Variants in PEX6 observed in about 807,000 individuals in gnomAD.
PEX6 encodes the protein peroxisomal biogenesis factor 6, also known as peroxisome biogenesis factor 6.
Under a neutral mutation model 85.6 loss-of-function variants are expected in PEX6, and 55 were observed. The observed-to-expected ratio is 0.64, with a 90% CI of 0.52 to 0.80. PEX6 has a LOEUF of 0.80. PEX6 is among the 30% of genes least tolerant of loss of function. PEX6 has a pLI of 0.00. For synonymous variants in PEX6, 519 were observed against 549.1 expected (o/e 0.95, Z 0.77); for missense variants, 1,099 against 1,260.3 (o/e 0.87, Z 1.94).
intron 8 of PEX6, 40 bp from the exon 9 acceptor site, chr6:42,966,898 T>C (rs1470644578): frequency 1.3e-6 from 2 of 1,535,732 alleles, no homozygotes; most frequent in Admixed American, 3.3e-5. Context: ...CAGGGCACAG[T>C]AGGCAGGAAC....
intron 3 of PEX6, among the ~76,000 whole-genome samples, chr6:42,972,566 C>T (rs1048834311): frequency 3.9e-5 from 6 of 152,018 alleles, no homozygotes; most frequent in African/African-American, 1.4e-4. Context: ...GTCAGGAGAT[C>T]GAGACCATCC....
Position 42,971,976 on chromosome 6 carries a change from G to A in PEX6, c.1131-1989C>T, listed in dbSNP as rs1158316491. Reference sequence around the variant, plus strand: ...CAGCCTGGCATTTTCCACCAGACTCGTGGACTTAATCTGGAAAACCTCGAA... The same window carrying A: ...CAGCCTGGCATTTTCCACCAGACTCATGGACTTAATCTGGAAAACCTCGAA... On this transcript the variant is annotated intron_variant, in intron 3 of 16. Coordinates refer to ENST00000304611, the MANE Select transcript of PEX6 (RefSeq NM_000287.4). The surrounding 1 kb of genome is among the most constrained non-coding windows in gnomAD (Gnocchi z 4.4). Among the ~76,000 whole-genome samples, 2 of 152,192 alleles carry A rather than the reference G, an allele frequency of 1.3e-5. No homozygotes were observed. Among genetic ancestry groups the A allele is most frequent in the Admixed American group, 6.5e-5 (1 of 15,282 alleles).
At position 42,964,815 on chromosome 6, in the gene PEX6, T is replaced by TC; in HGVS notation, c.2780_2781insG (p.Arg928ThrfsTer5). On this transcript the variant is annotated frameshift_variant, in exon 16 of 17. Coordinates refer to ENST00000304611, the MANE Select transcript of PEX6 (RefSeq NM_000287.4). LOFTEE classifies it high-confidence loss of function. This position sits in a 1 kb window ranked among gnomAD's most constrained non-coding sequence, Gnocchi z 4.6. ...CTTCCTCCAGGTCATGAACCCTGCGTTTGAGGGCAGCTGTCATAGCATCAG... is the reference window on the plus strand; with the variant it reads ...CTTCCTCCAGGTCATGAACCCTGCGTCTTGAGGGCAGCTGTCATAGCATCAG... 6.2e-7 allele frequency: 1 copy of TC among 1,613,898 alleles called. No homozygotes were observed. Among genetic ancestry groups the TC allele is most frequent in the Non-Finnish European group, 8.5e-7 (1 of 1,179,980 alleles).
In PEX6 at chr6:42,964,651, C is replaced by T. The variant is rs564449577; in HGVS notation, c.2806+139G>A. The T allele has an allele frequency of 7.6e-7, 1 of 1,310,020 alleles. No homozygotes were observed. The highest frequency in any genetic ancestry group is 1.5e-5 in the African/African-American group (1 of 68,700). 81.1% of individuals were successfully genotyped at this position (1,310,020 alleles called of 1,614,324 possible). A position where few individuals can be genotyped will look rare whatever the true frequency, so the allele number is the denominator to read the frequency against. On this transcript the variant is annotated intron_variant, in intron 16 of 16. Transcript: ENST00000304611. The surrounding 1 kb of genome is among the most constrained non-coding windows in gnomAD (Gnocchi z 4.6). ...AACATTTTTTTTAGAGTTGGGGTCT[C>T]TCTGTGTTGCCCAGGCTGGCCTCAA...
At chr6:42,977,359 TCTC>T (rs1390251479) in intron 1 of PEX6, among the ~76,000 whole-genome samples, 1 of 150,200 alleles carries the variant, frequency 6.7e-6, no homozygotes, top group African/African-American at 2.5e-5. Context: ...TTCAAACAAT[TCTC>T]CTGCCTCAGC....
chr6:42,965,070 C>T lies in PEX6; in HGVS notation c.2666+5G>A, dbSNP rs1332626624. The T allele has an allele frequency of 3.1e-6, 5 of 1,614,082 alleles. No homozygotes were observed. Among genetic ancestry groups the T allele is most frequent in the Non-Finnish European group, 3.4e-6 (4 of 1,179,878 alleles). ...CCTTCGCAGTCTTCCTCTAACAGAG[C>T]ATACTTGCGTGTGATGGCACTTAGA... On this transcript the variant is annotated splice_donor_5th_base_variant and intron_variant, in intron 15 of 16. Transcript: ENST00000304611. The surrounding 1 kb of genome is among the most constrained non-coding windows in gnomAD (Gnocchi z 5.0).
intron 1 of PEX6, among the ~76,000 whole-genome samples, chr6:42,976,239 A>G (rs145473787): frequency 4.6e-5 from 7 of 152,274 alleles, no homozygotes; most frequent in Admixed American, 1.3e-4. Flanking sequence ...AGTTTTAACT[A>G]AATTTAAAAA....
At chr6:42,966,127 G>A (rs1266391687) in intron 11 of PEX6, 22 bp from the exon 12 acceptor site, 2 of 1,613,926 alleles carry the variant, frequency 1.2e-6, no homozygotes, top group Non-Finnish European at 1.7e-6. Flanking sequence ...GATGTGAGAA[G>A]GTGAGAGCCG....
chr6:42,965,958 C>G lies in PEX6; in HGVS notation c.2362+86G>C. 6.8e-7 allele frequency: 1 copy of G among 1,480,572 alleles called. No homozygotes were observed. The highest frequency in any genetic ancestry group is 9.4e-7 in the Non-Finnish European group (1 of 1,060,680). 91.7% of individuals were successfully genotyped at this position (1,480,572 alleles called of 1,614,324 possible). On this transcript the variant is annotated intron_variant, in intron 12 of 16. Transcript: ENST00000304611. The surrounding 1 kb of genome is among the most constrained non-coding windows in gnomAD (Gnocchi z 5.0). ...TGTAGAAAGGAGGATTAGGAATGATCATGAGTAGCCTGGGAGTAGGGGGTG... is the reference window on the plus strand; with the variant it reads ...TGTAGAAAGGAGGATTAGGAATGATGATGAGTAGCCTGGGAGTAGGGGGTG...
At position 42,968,330 on chromosome 6, in the gene PEX6, C is replaced by T. The variant is rs377515032; in HGVS notation, c.1648G>A (p.Val550Met). The change falls in exon 7 of 17, where the codon GTG (valine) becomes ATG (methionine). Residue 550 changes from valine (V) to methionine (M), a missense_variant. This residue lies in a region of PEX6 where 514 missense variants were observed against 627.0 expected (regional missense o/e 0.82). Coordinates refer to ENST00000304611, the MANE Select transcript of PEX6 (RefSeq NM_000287.4). ...TCATTGAGGAGGAGGTGACGCAGCA[C>T]AGCCATCACACGGGCATCCTCACCC... The part of the protein sequence containing the change: ...GLGEDARVMA[V>M]LRHLLLNEDP... The T allele has an allele frequency of 3.7e-6, 6 of 1,614,016 alleles. No individual in the cohort carries two copies. In the East Asian group the frequency reaches 1.1e-4, roughly 30 times the overall value.
chr6:42,964,670 G>A lies in PEX6; in HGVS notation c.2806+120C>T. On this transcript the variant is annotated intron_variant, in intron 16 of 16. Coordinates refer to ENST00000304611, the MANE Select transcript of PEX6 (RefSeq NM_000287.4). This position sits in a 1 kb window ranked among gnomAD's most constrained non-coding sequence, Gnocchi z 4.6. ...GGGTCTCTCTGTGTTGCCCAGGCTG[G>A]CCTCAAACTCCTGGGCTCAAGCGAT... is the stretch of plus-strand genomic sequence containing the variant. 2 of 1,404,342 alleles carry A rather than the reference G, an allele frequency of 1.4e-6. No individual in the cohort carries two copies. The highest frequency in any genetic ancestry group is 3.4e-5 in the Admixed American group (2 of 59,440). 87.0% of individuals were successfully genotyped at this position (1,404,342 alleles called of 1,614,324 possible).
intron 3 of PEX6, among the ~76,000 whole-genome samples, chr6:42,972,927 C>T (rs138281284): frequency 1.7e-3 from 255 of 152,190 alleles, no homozygotes; most frequent in African/African-American, 5.6e-3. Flanking sequence ...CCAAATAACA[C>T]GAAGGCTAAG....
chr6:42,971,347 T>C lies in PEX6; in HGVS notation c.1131-1360A>G, dbSNP rs976891589. ...TATGACTCACCATGGAAGCCCTGCA[T>C]AGGAATGAGATGGGGGACAGCACTG... On this transcript the variant is annotated intron_variant, in intron 3 of 16. Coordinates refer to ENST00000304611, the MANE Select transcript of PEX6 (RefSeq NM_000287.4). The surrounding 1 kb of genome is among the most constrained non-coding windows in gnomAD (Gnocchi z 4.4). Among the ~76,000 whole-genome samples the C allele has an allele frequency of 6.6e-6, 1 of 152,090 alleles. No homozygotes were observed. The highest frequency in any genetic ancestry group is 2.4e-5 in the African/African-American group (1 of 41,422).
intron 1 of PEX6, among the ~76,000 whole-genome samples, chr6:42,975,509 T>C (rs1469921648): frequency 6.6e-6 from 1 of 152,132 alleles, no homozygotes; most frequent in Non-Finnish European, 1.5e-5. Context: ...GGAGGAAACC[T>C]ACATCCACTC....
chr6:42,978,989 C>A lies in PEX6; in HGVS notation c.162G>T (p.Val54=). 6.6e-7 allele frequency: 1 copy of A among 1,512,420 alleles called. No homozygotes were observed. Among genetic ancestry groups the A allele is most frequent in the South Asian group, 1.2e-5 (1 of 81,604 alleles). 93.7% of individuals were successfully genotyped at this position (1,512,420 alleles called of 1,614,324 possible). A position where few individuals can be genotyped will look rare whatever the true frequency, so the allele number is the denominator to read the frequency against. ...CCGCGTCCGGCCCCTCCAGGGCTGC[C>A]ACCAGCAGCGCCGGCCCTGCCGGGC... ...GESPAGPALL[V]AALEGPDAGT... Residue 54 remains valine, a synonymous_variant, in exon 1 of 17, where the codon GTG becomes GTT. Coordinates refer to ENST00000304611, the MANE Select transcript of PEX6 (RefSeq NM_000287.4).
chr6:42,969,623 T>C (rs375846242), intron 5 of PEX6, 45 bp downstream of exon 5: 78 of 1,611,228 alleles, frequency 4.8e-5, no homozygotes, highest in Non-Finnish European at 6.3e-5. Flanking sequence ...CCAGGGATGT[T>C]CTAAGCAGGC....
chr6:42,976,529 A>AT (rs1202742758), intron 1 of PEX6, among the ~76,000 whole-genome samples: 1 of 151,598 alleles, frequency 6.6e-6, no homozygotes, highest in African/African-American at 2.4e-5. Context: ...TACTGGGCTG[A>AT]TTTTTGTATT....
intron 1 of PEX6, among the ~76,000 whole-genome samples, chr6:42,976,510 G>GC (rs1236786204): frequency 2.0e-5 from 3 of 151,994 alleles, no homozygotes; most frequent in African/African-American, 7.2e-5. Context: ...TTACTGGTGT[G>GC]CACCACCATA....
In PEX6 at chr6:42,965,247, C is replaced by T. The variant is rs770076606; in HGVS notation, c.2588+5G>A. 4 of 1,611,996 alleles carry T rather than the reference C, an allele frequency of 2.5e-6. No individual in the cohort carries two copies. The South Asian group carries it at 3.3e-5, about 13-fold the overall frequency. Reference sequence around the variant, plus strand: ...GGGTGGAGATGAGCAGTACAAGGGGCCCACCTGCCAGGCCGCAGAAGGGCA... The same window carrying T: ...GGGTGGAGATGAGCAGTACAAGGGGTCCACCTGCCAGGCCGCAGAAGGGCA... On this transcript the variant is annotated splice_donor_5th_base_variant and intron_variant, in intron 14 of 16. Transcript: ENST00000304611. This position sits in a 1 kb window ranked among gnomAD's most constrained non-coding sequence, Gnocchi z 5.0.
Sources: allele counts gnomAD v4.1 joint callset (sites outside exome capture counted in the v4.1 genomes callset), GRCh38; gene constraint gnomAD v4.1.1; regional missense constraint gnomAD v4.1.1; non-coding constraint Gnocchi (gnomAD v3.1); transcripts MANE v1.5; gene names NCBI Gene and HGNC (gene_info 2026-07-23, HGNC 2026-07-21).